The following KHDRBS2 variants were observed in gnomAD, a reference collection of about 807,000 sequenced individuals.
The protein encoded by KHDRBS2 is KH domain-containing, RNA-binding, signal transduction-associated protein 2.
In KHDRBS2, 26 loss-of-function variants were observed where a neutral mutation model predicts 44.3. The ratio of observed to expected loss-of-function variants is 0.59; its 90% confidence interval spans 0.43 to 0.81. KHDRBS2 has a LOEUF of 0.81. KHDRBS2 is among the 40% of genes least tolerant of loss of function. KHDRBS2 has a pLI of 0.00. For synonymous variants in KHDRBS2, 194 were observed against 151.1 expected (o/e 1.28, Z -2.08); for missense variants, 476 against 433.1 (o/e 1.10, Z -0.88).
At chr6:61,589,736 G>A in the KHDRBS2 span, among the ~76,000 whole-genome samples, 1 of 152,114 alleles carries the variant, frequency 6.6e-6, no homozygotes, top group Admixed American at 6.5e-5. Flanking sequence ...TGGTAATAGA[G>A]GAAGAGAAAT....
the KHDRBS2 span, among the ~76,000 whole-genome samples, chr6:61,653,653 T>C: frequency 6.6e-6 from 1 of 151,378 alleles, no homozygotes; most frequent in Non-Finnish European, 1.5e-5. Flanking sequence ...AATATACCAT[T>C]TCATAAAACG....
chr6:62,102,190 C>A (rs1228310043), intron 2 of KHDRBS2, among the ~76,000 whole-genome samples: 1 of 152,062 alleles, frequency 6.6e-6, no homozygotes, highest in East Asian at 1.9e-4. Context: ...AGAATAAACC[C>A]AAAGTTTTTA....
At chr6:62,005,373 G>A (rs1042134932) in intron 3 of KHDRBS2, among the ~76,000 whole-genome samples, 1 of 151,682 alleles carries the variant, frequency 6.6e-6, no homozygotes, top group African/African-American at 2.4e-5. Flanking sequence ...TTATTTTGAA[G>A]CCACTGCAAC....
At chr6:61,909,481 A>G (rs1805658445) in intron 4 of KHDRBS2, among the ~76,000 whole-genome samples, 1 of 152,202 alleles carries the variant, frequency 6.6e-6, no homozygotes. Context: ...ATTTGAAGTA[A>G]TAGCAAAGAT....
intron 6 of KHDRBS2, among the ~76,000 whole-genome samples, chr6:61,858,220 A>G (rs1796416948): frequency 6.6e-6 from 1 of 151,408 alleles, no homozygotes. Flanking sequence ...TAAGAGACTT[A>G]ATATTTTAAG....
chr6:62,137,024 G>A (rs1302140514), intron 2 of KHDRBS2, among the ~76,000 whole-genome samples: 2 of 119,976 alleles, frequency 1.7e-5, no homozygotes, highest in Non-Finnish European at 3.3e-5. Flanking sequence ...TTTTTGAGAC[G>A]GAGTCTCCCT....
chr6:61,773,007 A>T (rs1323121695), intron 6 of KHDRBS2, among the ~76,000 whole-genome samples: 8 of 152,170 alleles, frequency 5.3e-5, no homozygotes, highest in South Asian at 2.1e-4. Flanking sequence ...TCCGTGGTGT[A>T]TATGTGCCAC....
chr6:61,599,598 G>T, the KHDRBS2 span, among the ~76,000 whole-genome samples: 1 of 152,164 alleles, frequency 6.6e-6, no homozygotes, highest in Non-Finnish European at 1.5e-5. Context: ...ATGGAGGGTT[G>T]GCAGTCATAG....
chr6:61,603,251 C>T, the KHDRBS2 span, among the ~76,000 whole-genome samples: 1 of 152,176 alleles, frequency 6.6e-6, no homozygotes, highest in Non-Finnish European at 1.5e-5. Flanking sequence ...GTGCCTTATC[C>T]ACCAAATTGT....
chr6:61,908,417 A>G (rs551011517), intron 4 of KHDRBS2, among the ~76,000 whole-genome samples: 27 of 152,016 alleles, frequency 1.8e-4, no homozygotes, highest in Admixed American at 1.6e-3. Flanking sequence ...GGCAGATCAC[A>G]AGGTCAGGAG....
intron 4 of KHDRBS2, among the ~76,000 whole-genome samples, chr6:61,927,852 C>T (rs1227010175): frequency 2.6e-5 from 4 of 152,112 alleles, no homozygotes; most frequent in Non-Finnish European, 4.4e-5. Flanking sequence ...GATTTTCAAT[C>T]AGCTATAAAA....
intron 6 of KHDRBS2, among the ~76,000 whole-genome samples, chr6:61,880,102 G>A (rs1042804282): frequency 2.0e-5 from 3 of 151,882 alleles, no homozygotes; most frequent in African/African-American, 4.8e-5. Context: ...AATTGGGATT[G>A]TTTGATGAAA....
At chr6:61,980,226 T>A (rs1773553800) in intron 3 of KHDRBS2, among the ~76,000 whole-genome samples, 1 of 152,176 alleles carries the variant, frequency 6.6e-6, no homozygotes, top group East Asian at 1.9e-4. Context: ...AGGAAAGTGA[T>A]CTAAGTTGTC....
At chr6:61,799,258 AT>A (rs1785872275) in intron 6 of KHDRBS2, among the ~76,000 whole-genome samples, 1 of 152,016 alleles carries the variant, frequency 6.6e-6, no homozygotes, top group African/African-American at 2.4e-5. Context: ...TCTTTTCATA[AT>A]TTTGAATAAC....
intron 1 of KHDRBS2, among the ~76,000 whole-genome samples, chr6:62,224,374 T>G (rs1234182130): frequency 6.6e-6 from 1 of 152,018 alleles, no homozygotes; most frequent in African/African-American, 2.4e-5. Flanking sequence ...CAAGATAAGA[T>G]TTGGGTGGGG....
Position 61,721,717 on chromosome 6 carries a change from A to G in KHDRBS2, c.893+10965T>C, listed in dbSNP as rs12210163. The stretch of plus-strand genomic sequence containing the variant: ...GGTTTTCTAGCTATACAATCATGTC[A>G]TCTGCAAACAGGGACAATTTGACTT... On this transcript the variant is annotated intron_variant, in intron 7 of 8. Transcript: ENST00000281156. 6.1e-5 allele frequency among the ~76,000 whole-genome samples: 7 copies of G among 115,330 alleles called. 1 individual carries two copies. Among genetic ancestry groups the G allele is most frequent in the Admixed American group, 4.8e-4 (5 of 10,330 alleles). 75.7% of individuals were successfully genotyped at this position (115,330 alleles called of 152,430 possible). A position where few individuals can be genotyped will look rare whatever the true frequency, so the allele number is the denominator to read the frequency against.
intron 6 of KHDRBS2, among the ~76,000 whole-genome samples, chr6:61,875,186 C>G: frequency 6.7e-6 from 1 of 150,080 alleles, no homozygotes; most frequent in Non-Finnish European, 1.5e-5. Flanking sequence ...GTGGTGGGGG[C>G]AGGGAGGGAG....
chr6:61,869,430 A>G (rs1158211172), intron 6 of KHDRBS2, among the ~76,000 whole-genome samples: 35 of 152,338 alleles, frequency 2.3e-4, no homozygotes, highest in Non-Finnish European at 4.1e-4. Context: ...TTTTAGGTAA[A>G]TAAAAACTGA....
intron 2 of KHDRBS2, among the ~76,000 whole-genome samples, chr6:62,112,599 CATAAT>C (rs1306936484): frequency 6.6e-6 from 1 of 152,076 alleles, no homozygotes; most frequent in Non-Finnish European, 1.5e-5. Context: ...AAGTCAACTA[CATAAT>C]ATGAGAATCC....
Sources: allele counts gnomAD v4.1 joint callset (sites outside exome capture counted in the v4.1 genomes callset), GRCh38; gene constraint gnomAD v4.1.1; transcripts MANE v1.5; gene names NCBI Gene and HGNC (gene_info 2026-07-23, HGNC 2026-07-21).